BLTP1: variants seen among roughly 807,000 people sequenced by gnomAD.
The protein encoded by BLTP1 is bridge-like lipid transfer protein family member 1.
chr4:122,260,421 A>G, the BLTP1 span, among the ~76,000 whole-genome samples: 1 of 152,196 alleles, frequency 6.6e-6, no homozygotes, highest in East Asian at 1.9e-4. Flanking sequence ...CCAATACCAA[A>G]TAGAAAAAAT....
At chr4:122,305,095 C>T in the BLTP1 span, 1 of 1,280,148 alleles carries the variant, frequency 7.8e-7, no homozygotes, top group Non-Finnish European at 1.0e-6. Flanking sequence ...AGTTTAATTT[C>T]CTAAAGTTTC....
the BLTP1 span, chr4:122,220,353 T>G: frequency 6.2e-6 from 10 of 1,613,420 alleles, no homozygotes; most frequent in Non-Finnish European, 8.5e-6. Context: ...CTGATGGTCC[T>G]GAATGCCCTA....
chr4:122,306,644 A>G, the BLTP1 span: 2 of 956,526 alleles, frequency 2.1e-6, no homozygotes, highest in African/African-American at 1.8e-5. Context: ...CTGGCATACA[A>G]TAAGAACGAA....
the BLTP1 span, chr4:122,181,229 T>G: frequency 1.1e-6 from 1 of 921,300 alleles, no homozygotes; most frequent in African/African-American, 1.8e-5. Flanking sequence ...GATAAACAAA[T>G]TAGATGCGTT....
At chr4:122,173,081 A>C in the BLTP1 span, 14 of 1,612,244 alleles carry the variant, frequency 8.7e-6, no homozygotes, top group Non-Finnish European at 1.2e-5. Context: ...ACATATTATA[A>C]TTCCCGGAAT....
At chr4:122,238,458 T>C in the BLTP1 span, 3 of 808,172 alleles carry the variant, frequency 3.7e-6, no homozygotes, top group Non-Finnish European at 6.0e-6. Flanking sequence ...TTTAGAAAAT[T>C]GTTACCTGTA....
chr4:122,298,613 C>T, the BLTP1 span: 5 of 438,188 alleles, frequency 1.1e-5, no homozygotes, highest in Non-Finnish European at 1.4e-5. Flanking sequence ...AAGCAAATTA[C>T]AAAGATATGT....
chr4:122,221,428 A>C, the BLTP1 span, among the ~76,000 whole-genome samples: 1 of 152,154 alleles, frequency 6.6e-6, no homozygotes, highest in Non-Finnish European at 1.5e-5. Context: ...TTATAGTTTC[A>C]CAGGAAGTTG....
the BLTP1 span, chr4:122,261,730 A>C: frequency 1.5e-5 from 15 of 975,570 alleles, no homozygotes; most frequent in Non-Finnish European, 1.8e-5. Flanking sequence ...ACTTTTCTTC[A>C]TCCTTTAGGA....
chr4:122,343,274 G>T, the BLTP1 span: 1 of 1,120,900 alleles, frequency 8.9e-7, no homozygotes, highest in Non-Finnish European at 1.2e-6. Context: ...TAAATCTATT[G>T]ATCTGTTAAA....
At chr4:122,330,744 T>C in the BLTP1 span, among the ~76,000 whole-genome samples, 3 of 151,914 alleles carry the variant, frequency 2.0e-5, no homozygotes, top group Admixed American at 6.6e-5. Context: ...TTTTTTACTT[T>C]TGTTGTCTGT....
At chr4:122,255,367 G>A in the BLTP1 span, 1 of 966,142 alleles carries the variant, frequency 1.0e-6, no homozygotes, top group African/African-American at 1.6e-5. Context: ...AGATGCATGT[G>A]AGAATGGTTA....
chr4:122,224,514 A>T, the BLTP1 span: 21 of 1,612,726 alleles, frequency 1.3e-5, no homozygotes, highest in Non-Finnish European at 1.7e-5. Flanking sequence ...CCCCCTGTGG[A>T]TGAAGTACTC....
chr4:122,158,392 A>G, the BLTP1 span, among the ~76,000 whole-genome samples: 1 of 152,244 alleles, frequency 6.6e-6, no homozygotes, highest in Non-Finnish European at 1.5e-5. Flanking sequence ...GATAACATTT[A>G]AAAGTCATGA....
chr4:122,231,920 A>C, the BLTP1 span: 1 of 759,416 alleles, frequency 1.3e-6, no homozygotes, highest in African/African-American at 1.9e-5. Context: ...AAGATTTGAC[A>C]TATATCCGAG....
At chr4:122,291,959 TCAAA>T in the BLTP1 span, 8 of 172,416 alleles carry the variant, frequency 4.6e-5, no homozygotes, top group Admixed American at 4.7e-4. Context: ...TGCTCATGCA[TCAAA>T]CAGTTTTTTT....
At chr4:122,301,433 T>C in the BLTP1 span, 4 of 1,276,180 alleles carry the variant, frequency 3.1e-6, no homozygotes, top group Non-Finnish European at 4.3e-6. Context: ...ATAAAAATTT[T>C]TCTAATCAAT....
At chr4:122,262,367 TA>T in the BLTP1 span, among the ~76,000 whole-genome samples, 232 of 152,284 alleles carry the variant, frequency 1.5e-3, 1 homozygote, top group African/African-American at 5.0e-3. Context: ...GAAGTTTCAA[TA>T]TACTATTTAC....
the BLTP1 span, chr4:122,190,357 A>G: frequency 1.2e-6 from 1 of 854,784 alleles, no homozygotes; most frequent in Non-Finnish European, 1.4e-6. Context: ...CATTCTCCCA[A>G]AGTGCTGGGA....
Sources: allele counts gnomAD v4.1 joint callset (sites outside exome capture counted in the v4.1 genomes callset), GRCh38; gene constraint gnomAD v4.1.1; transcripts MANE v1.5; gene names NCBI Gene and HGNC (gene_info 2026-07-23, HGNC 2026-07-21).